Variants in PCDH10 observed in about 807,000 individuals in gnomAD.
PCDH10 encodes protocadherin 10.
A neutral mutation model predicts 74.4 loss-of-function variants in PCDH10; 15 were observed. That is an observed-to-expected ratio of 0.20 (90% confidence interval 0.13 to 0.31). PCDH10 has a LOEUF of 0.31. Ranked by LOEUF, PCDH10 falls within the 10% of genes least tolerant of loss-of-function variation. The pLI is 1.00. For synonymous variants in PCDH10, 619 were observed against 589.8 expected, an observed-to-expected ratio of 1.05 and a Z score of -0.72; for missense variants, 1,260 against 1,390.2, an observed-to-expected ratio of 0.91 and a Z score of 1.49.
At chr4:133,195,138 T>G (rs1179692800), downstream of PCDH10, among the ~76,000 whole-genome samples, 1 of 152,078 alleles carries the variant, frequency 6.6e-6, no homozygotes, top group Admixed American at 6.6e-5. Context: ...GGATAGATAC[T>G]TTTTACAATA....
intron 4 of PCDH10, among the ~76,000 whole-genome samples, chr4:133,171,734 T>C (rs1727207287): frequency 1.3e-5 from 2 of 152,100 alleles, no homozygotes; most frequent in African/African-American, 4.8e-5. Context: ...ACTTAGAAAA[T>C]GTATAGAAAA....
downstream of PCDH10, among the ~76,000 whole-genome samples, chr4:133,195,190 A>G (rs559000030): frequency 5.3e-5 from 8 of 152,246 alleles, no homozygotes; most frequent in Admixed American, 5.2e-4. Context: ...TTAAGTCTGA[A>G]TTAACTACAA....
intron 2 of PCDH10, among the ~76,000 whole-genome samples, chr4:133,204,911 G>T (rs1225770161): frequency 6.6e-6 from 1 of 152,204 alleles, no homozygotes; most frequent in African/African-American, 2.4e-5. Context: ...CACTTGGAGT[G>T]TGTACTTGGA....
chr4:133,161,249 C>T (rs1578562770), intron 3 of PCDH10, among the ~76,000 whole-genome samples: 1 of 152,054 alleles, frequency 6.6e-6, no homozygotes. Flanking sequence ...CAAAGTCAGA[C>T]TTAGCATTCT....
In PCDH10 at chr4:133,156,202, C is replaced by T. The variant is rs555248402; in HGVS notation, c.2797+1179C>T. 1.8e-3 allele frequency among the ~76,000 whole-genome samples: 275 copies of T among 152,334 alleles called. 2 individuals carry two copies. Among genetic ancestry groups the T allele is most frequent in the Middle Eastern group, 6.8e-3 (2 of 292 alleles). On this transcript the variant is annotated intron_variant, in intron 3 of 4. Coordinates refer to ENST00000264360, the MANE Select transcript of PCDH10 (RefSeq NM_032961.3). ...GTGTGTCAAAGGGCAGCGTACACCC[C>T]ATGGTGGCCTGGCAGCAGTGGTTGC...
Position 133,152,575 on chromosome 4 carries a change from C to G in PCDH10, c.2435C>G (p.Ser812Cys). Reference sequence around the variant, plus strand: ...ATAGAGGAGTCCGGGGGCTTTGGCTCCCACCACCACAACCAGAATTACTGC... The same window carrying G: ...ATAGAGGAGTCCGGGGGCTTTGGCTGCCACCACCACAACCAGAATTACTGC... ...VPIEESGGFGSHHHNQNYCYQ... is the reference protein window; with the variant it reads ...VPIEESGGFGCHHHNQNYCYQ... Residue 812 changes from serine (S) to cysteine (C), a missense_variant, in exon 1 of 5, where the codon TCC (serine) becomes TGC (cysteine). Around this residue, in one of 11 missense-constraint regions of PCDH10, gnomAD observed 587 missense variants for 616.9 expected, o/e 0.95. Transcript: ENST00000264360. The G allele has an allele frequency of 1.2e-6, 2 of 1,614,092 alleles. No individual in the cohort carries two copies. Among genetic ancestry groups the G allele is most frequent in the African/African-American group, 2.7e-5 (2 of 75,014 alleles).
downstream of PCDH10, among the ~76,000 whole-genome samples, chr4:133,195,597 A>G (rs913180776): frequency 2.6e-5 from 4 of 152,084 alleles, no homozygotes; most frequent in African/African-American, 9.7e-5. Context: ...GCGAGAAAGT[A>G]AGAATGAATG....
intron 4 of PCDH10, among the ~76,000 whole-genome samples, chr4:133,180,072 G>C (rs1431089121): frequency 6.6e-6 from 1 of 150,934 alleles, no homozygotes; most frequent in Non-Finnish European, 1.5e-5. Context: ...TTTTATTCTG[G>C]CCTAACTATA....
rs34565013 is a variant in PCDH10 at position 133,149,700 on chromosome 4, CTCT to C, written c.-429_-427del. On this transcript the variant is annotated 5_prime_UTR_variant, in exon 1 of 5. Transcript: ENST00000264360. ...GCATCTCCTTTTCCTTCTCCTCTTCCTCTTCTTCTTCTTCCTCCTCCTCCTCCT... is the reference window on the plus strand; with the variant it reads ...GCATCTCCTTTTCCTTCTCCTCTTCCTCTTCTTCTTCCTCCTCCTCCTCCT... 3,899 of 161,192 alleles carry C rather than the reference CTCT, an allele frequency of 0.024. 238 individuals are homozygous for C. The highest frequency in any genetic ancestry group is 0.17 in the East Asian group (948 of 5,472). 10.0% of individuals were successfully genotyped at this position (161,192 alleles called of 1,614,324 possible).
intron 4 of PCDH10, among the ~76,000 whole-genome samples, chr4:133,171,861 G>A (rs890869963): frequency 8.6e-5 from 13 of 151,818 alleles, no homozygotes; most frequent in African/African-American, 2.9e-4. Flanking sequence ...ACAGATTTTA[G>A]GTCTATTTTC....
intron 4 of PCDH10, among the ~76,000 whole-genome samples, chr4:133,170,746 G>A (rs1014467082): frequency 5.3e-5 from 8 of 152,096 alleles, no homozygotes; most frequent in South Asian, 2.1e-4. Flanking sequence ...AGGCTGGAGT[G>A]CAGTGGTGCG....
Position 133,152,642 on chromosome 4 carries a change from G to A in PCDH10, c.2502G>A (p.Leu834=). 4 of 1,614,210 alleles carry A rather than the reference G, an allele frequency of 2.5e-6. No homozygotes were observed. The highest frequency in any genetic ancestry group is 3.4e-6 in the Non-Finnish European group (4 of 1,180,046). The change falls in exon 1 of 5, where the codon CTG becomes CTA. Residue 834 remains leucine, a synonymous_variant. Transcript: ENST00000264360. ...CCCCTGAGTCCGCCAAGACCGACCT[G>A]ATGTTTCTTAAGCCCTGCAGCCCTT... ...CLTPESAKTD[L]MFLKPCSPSR... is the part of the protein sequence containing the mutation.
intron 4 of PCDH10, among the ~76,000 whole-genome samples, chr4:133,187,140 G>A (rs1488679516): frequency 1.3e-5 from 2 of 152,100 alleles, no homozygotes; most frequent in African/African-American, 4.8e-5. Context: ...TGGCTCCTCT[G>A]TATCCTTGGG....
Position 133,201,804 on chromosome 4 carries a change from T to A in PCDH10, n.438-6272T>A, listed in dbSNP as rs1304846368. Among the ~76,000 whole-genome samples the A allele has an allele frequency of 3.0e-5, 4 of 131,554 alleles. No individual in the cohort carries two copies. In the East Asian group the frequency reaches 8.9e-4, roughly 29 times the overall value. The allele number at this position is 131,554 out of a possible 152,430, so 86.3% of individuals were successfully genotyped here. On this transcript the variant is annotated intron_variant and non_coding_transcript_variant, in intron 2 of 2. Transcript: ENST00000511112. ...CTGGGAGGCGGAGGTTGCAGTGAGC[T>A]GAGATCATGCCATTGCACTCCAGCC...
intron 1 of PCDH10, chr4:133,153,628 A>G (rs1726791886): frequency 1.3e-5 from 2 of 148,854 alleles, no homozygotes; most frequent in Non-Finnish European, 1.5e-5. Flanking sequence ...GGGGAGAACA[A>G]AGTTGGTTTA....
At chr4:133,181,034 A>T (rs1727404238) in intron 4 of PCDH10, among the ~76,000 whole-genome samples, 1 of 152,010 alleles carries the variant, frequency 6.6e-6, no homozygotes, top group African/African-American at 2.4e-5. Flanking sequence ...GAGTTTCTAG[A>T]GTATAACTAA....
rs754743505 is a variant in PCDH10 at position 133,151,648 on chromosome 4, T to C, written c.1508T>C (p.Leu503Pro). ...AACGCCCAGCTTGCCTACTCTATCC[T>C]CGAGTGCCAGATCCAGGGCATGAGC... ...GANAQLAYSI[L>P]ECQIQGMSVF... Residue 503 changes from leucine to proline, a missense_variant, in exon 1 of 5, where the codon CTC becomes CCC. Leu to Pro is a moderately conservative substitution (Grantham distance 98). Transcript: ENST00000264360. 3.1e-6 allele frequency: 5 copies of C among 1,613,762 alleles called. No individual in the cohort carries two copies. In the Admixed American group the frequency reaches 6.7e-5, roughly 22 times the overall value.
intron 2 of PCDH10, among the ~76,000 whole-genome samples, chr4:133,204,886 C>T (rs570470880): frequency 2.0e-5 from 3 of 152,214 alleles, no homozygotes; most frequent in Non-Finnish European, 4.4e-5. Flanking sequence ...GAGGACACTG[C>T]ATTCTGCACA....
rs766993755 is a variant in PCDH10 at position 133,163,131 on chromosome 4, T to G, written c.2952T>G (p.Thr984=). 1.2e-6 allele frequency: 2 copies of G among 1,614,160 alleles called. No homozygotes were observed. The highest frequency in any genetic ancestry group is 1.7e-6 in the Non-Finnish European group (2 of 1,180,024). Residue 984 remains threonine (T), a synonymous_variant, in exon 4 of 5, where the codon ACT becomes ACG. Transcript: ENST00000264360. ...HVPGMDSVPD[T]EVFETPEAQP... ...CTGGCATGGACTCTGTTCCAGACAC[T>G]GAGGTGTTTGAAACTCCAGAAGCCC...
Sources: allele counts gnomAD v4.1 joint callset (sites outside exome capture counted in the v4.1 genomes callset), GRCh38; gene constraint gnomAD v4.1.1; regional missense constraint gnomAD v4.1.1; transcripts MANE v1.5; gene names NCBI Gene and HGNC (gene_info 2026-07-23, HGNC 2026-07-21).